The following FLRT2 variants were observed in gnomAD, a reference collection of about 807,000 sequenced individuals.
FLRT2 encodes the protein leucine-rich repeat transmembrane protein FLRT2.
A neutral mutation model predicts 40.0 loss-of-function variants in FLRT2; 15 were observed. The ratio of observed to expected loss-of-function variants is 0.38; its 90% CI spans 0.25 to 0.58. FLRT2 has a LOEUF of 0.58. Among genes scored for constraint, FLRT2 ranks in the 20% least tolerant of loss-of-function variants. The pLI is 0.71. For missense variants in FLRT2, 726 were observed against 840.0 expected, an observed-to-expected ratio of 0.86 and a Z score of 1.68; for synonymous variants, 380 against 336.8, an observed-to-expected ratio of 1.13 and a Z score of -1.41.
rs1894208170 is a variant in FLRT2, at chr14:85,643,347, C to CTTTCTTTCT, written c.*19852_*19860dup. Reference sequence around the variant, plus strand: ...TCTTTCTTTCTTTCTTTCTTTCTTTCTTTCTTTCTTCCTTCCTTCCTTCCT... The same window carrying CTTTCTTTCT: ...TCTTTCTTTCTTTCTTTCTTTCTTTCTTTCTTTCTTTTCTTTCTTCCTTCCTTCCTTCCT... On this transcript the variant is annotated 3_prime_UTR_variant, in exon 2 of 2. Transcript: ENST00000330753. 1.3e-5 allele frequency: 1 copy of CTTTCTTTCT among 79,172 alleles called. No homozygotes were observed. Among genetic ancestry groups the CTTTCTTTCT allele is most frequent in the African/African-American group, 4.6e-5 (1 of 21,652 alleles). The allele number at this position is 79,172 out of a possible 1,614,324, so 4.9% of individuals were successfully genotyped here. A position where few individuals can be genotyped will look rare whatever the true frequency, so the allele number is the denominator to read the frequency against.
At chr14:85,539,903 C>T (rs1420237934) in intron 1 of FLRT2, among the ~76,000 whole-genome samples, 7 of 152,136 alleles carry the variant, frequency 4.6e-5, no homozygotes, top group Non-Finnish European at 8.8e-5. Context: ...GGCTGCTAGC[C>T]CCTGCATCAT....
In FLRT2 at chr14:85,636,781, T is replaced by A. The variant is rs1894014135; in HGVS notation, c.*13284T>A. ...CCGCCTTTACTAAAAATACAAAAAT[T>A]AGCAGGGTATGGTGGCAGGCGCCTG... On this transcript the variant is annotated 3_prime_UTR_variant, in exon 2 of 2. Transcript: ENST00000330753. 1 of 151,568 alleles carries A rather than the reference T, an allele frequency of 6.6e-6. No individual in the cohort carries two copies. Among genetic ancestry groups the A allele is most frequent in the Non-Finnish European group, 1.5e-5 (1 of 67,900 alleles). 9.4% of individuals were successfully genotyped at this position (151,568 alleles called of 1,614,324 possible).
intron 1 of FLRT2, among the ~76,000 whole-genome samples, chr14:85,580,709 G>A (rs1034739622): frequency 2.6e-5 from 4 of 151,098 alleles, no homozygotes; most frequent in Admixed American, 6.6e-5. Flanking sequence ...CAGAAGCCAG[G>A]TCATGTGGGC....
intron 1 of FLRT2, among the ~76,000 whole-genome samples, chr14:85,604,386 A>G (rs900304280): frequency 1.3e-5 from 2 of 152,090 alleles, no homozygotes; most frequent in African/African-American, 4.8e-5. Context: ...TGCTCATTTT[A>G]TTTACGTGAC....
At chr14:85,566,195 A>G (rs1473091926) in intron 1 of FLRT2, among the ~76,000 whole-genome samples, 1 of 152,142 alleles carries the variant, frequency 6.6e-6, no homozygotes, top group Non-Finnish European at 1.5e-5. Context: ...TCAGGAGACA[A>G]AACAGATTCT....
Position 85,621,343 on chromosome 14 carries a change from A to G in FLRT2, c.-172A>G, listed in dbSNP as rs1893369055. Reference sequence around the variant, plus strand: ...GCAGCAAAGAGGGCAACACAGGCTGATAAGACCAGAGACAGCAGGGAGATT... The same window carrying G: ...GCAGCAAAGAGGGCAACACAGGCTGGTAAGACCAGAGACAGCAGGGAGATT... On this transcript the variant is annotated 5_prime_UTR_variant, in exon 2 of 2. The change abolishes the stop of an existing upstream ORF in the 5' untranslated region. Transcript: ENST00000330753. 3.1e-6 allele frequency: 2 copies of G among 640,486 alleles called. No homozygotes were observed. Among genetic ancestry groups the G allele is most frequent in the Admixed American group, 3.1e-5 (1 of 31,934 alleles). The allele number at this position is 640,486 out of a possible 1,614,324, so 39.7% of individuals were successfully genotyped here. A position where few individuals can be genotyped will look rare whatever the true frequency, so the allele number is the denominator to read the frequency against.
chr14:85,595,472 A>T (rs986954697), intron 1 of FLRT2, among the ~76,000 whole-genome samples: 1 of 151,852 alleles, frequency 6.6e-6, no homozygotes, highest in African/African-American at 2.4e-5. Flanking sequence ...AATGCCCGAC[A>T]AGGTGCTTGG....
At chr14:85,552,400 A>G (rs1051454559) in intron 1 of FLRT2, among the ~76,000 whole-genome samples, 5 of 152,220 alleles carry the variant, frequency 3.3e-5, no homozygotes, top group Non-Finnish European at 5.9e-5. Context: ...AAATAAGATA[A>G]TCCACAGGAG....
intron 1 of FLRT2, among the ~76,000 whole-genome samples, chr14:85,598,186 A>G (rs2139328489): frequency 6.6e-6 from 1 of 152,318 alleles, no homozygotes; most frequent in South Asian, 2.1e-4. Flanking sequence ...AACTTTGCAT[A>G]AGTAGGCTCA....
rs1464112738 is a variant in FLRT2 at position 85,651,117 on chromosome 14, T to C, written c.*27620T>C. 1 of 152,058 alleles carries C rather than the reference T, an allele frequency of 6.6e-6. No homozygotes were observed. The highest frequency in any genetic ancestry group is 6.6e-5 in the Admixed American group (1 of 15,248). 9.4% of individuals were successfully genotyped at this position (152,058 alleles called of 1,614,324 possible). A position where few individuals can be genotyped will look rare whatever the true frequency, so the allele number is the denominator to read the frequency against. ...TAAGTTAATATTCAGCTTTAAACTT[T>C]TCTAATTCAATTATCTTTTTTGATT... On this transcript the variant is annotated 3_prime_UTR_variant, in exon 2 of 2. Coordinates refer to ENST00000330753, the MANE Select transcript of FLRT2 (RefSeq NM_013231.6).
intron 1 of FLRT2, among the ~76,000 whole-genome samples, chr14:85,611,875 T>A (rs1410268520): frequency 6.7e-6 from 1 of 150,218 alleles, no homozygotes; most frequent in Non-Finnish European, 1.5e-5. Context: ...AACTACCTTT[T>A]CATGTGAGGG....
rs2139389103 is a variant in FLRT2 at position 85,634,031 on chromosome 14, CATT to C, written c.*10539_*10541del. The stretch of plus-strand genomic sequence containing the variant: ...TGTGGTTACTTTTTGCAATCGATAT[CATT>C]ATTAAGTTTGGAAGCTGGTTGTTAT... On this transcript the variant is annotated 3_prime_UTR_variant, in exon 2 of 2. Transcript: ENST00000330753. 6.6e-6 allele frequency: 1 copy of C among 152,228 alleles called. No homozygotes were observed. Among genetic ancestry groups the C allele is most frequent in the African/African-American group, 2.4e-5 (1 of 41,522 alleles). 9.4% of individuals were successfully genotyped at this position (152,228 alleles called of 1,614,324 possible).
intron 1 of FLRT2, among the ~76,000 whole-genome samples, chr14:85,562,438 C>T (rs906907747): frequency 1.3e-5 from 2 of 152,084 alleles, no homozygotes; most frequent in African/African-American, 4.8e-5. Context: ...AGACCAAATG[C>T]AGGTTATTTG....
chr14:85,626,781 A>G lies in FLRT2; in HGVS notation c.*3284A>G, dbSNP rs1178786116. 1 of 167,102 alleles carries G rather than the reference A, an allele frequency of 6.0e-6. No individual in the cohort carries two copies. Among genetic ancestry groups the G allele is most frequent in the Non-Finnish European group, 1.5e-5 (1 of 68,124 alleles). The allele number at this position is 167,102 out of a possible 1,614,324, so 10.4% of individuals were successfully genotyped here. On this transcript the variant is annotated 3_prime_UTR_variant, in exon 2 of 2. Transcript: ENST00000330753. The stretch of plus-strand genomic sequence containing the variant: ...CTAATTATCTGGATGTTCGTTGAAA[A>G]TATATTAGACATTCTCCCTGAGGTT...
At chr14:85,617,548 A>C (rs1294584082) in intron 1 of FLRT2, among the ~76,000 whole-genome samples, 1 of 152,160 alleles carries the variant, frequency 6.6e-6, no homozygotes. Flanking sequence ...CCCAACTTAA[A>C]GTCTAAAAGG....
In FLRT2 at chr14:85,587,650, G is replaced by A. The variant is rs557022314; in HGVS notation, c.-376-33489G>A. On this transcript the variant is annotated intron_variant, in intron 1 of 1. Coordinates refer to ENST00000330753, the MANE Select transcript of FLRT2 (RefSeq NM_013231.6). ...GCAGGTTCAGCAGACACATGTAAGC[G>A]GCCTCTTTAGATGTGGTCACCGTTG... Among the ~76,000 whole-genome samples the A allele has an allele frequency of 2.6e-5, 4 of 151,700 alleles. No individual in the cohort carries two copies. In the South Asian group the frequency reaches 6.2e-4, roughly 24 times the overall value.
chr14:85,542,963 C>T (rs1049711142), intron 1 of FLRT2, among the ~76,000 whole-genome samples: 2 of 152,206 alleles, frequency 1.3e-5, no homozygotes, highest in Non-Finnish European at 2.9e-5. Flanking sequence ...TCACTCTTTT[C>T]TAAACTTGAC....
intron 1 of FLRT2, among the ~76,000 whole-genome samples, chr14:85,543,452 C>T (rs1230214824): frequency 5.3e-5 from 8 of 151,912 alleles, no homozygotes; most frequent in African/African-American, 1.9e-4. Context: ...TAGCGGCAGT[C>T]TCCTGTCTGT....
At chr14:85,608,961 A>G (rs1205727359) in intron 1 of FLRT2, among the ~76,000 whole-genome samples, 1 of 152,176 alleles carries the variant, frequency 6.6e-6, no homozygotes. Context: ...AATATCCTGG[A>G]AGGCCAGGCA....
Sources: allele counts gnomAD v4.1 joint callset (sites outside exome capture counted in the v4.1 genomes callset), GRCh38; gene constraint gnomAD v4.1.1; transcripts MANE v1.5; gene names NCBI Gene and HGNC (gene_info 2026-07-23, HGNC 2026-07-21).